Variants in GRIA4 observed in about 807,000 individuals in gnomAD.
The protein encoded by GRIA4 is glutamate ionotropic receptor AMPA type subunit 4.
In GRIA4, 34 loss-of-function variants were observed where a neutral mutation model predicts 104.0. That is an observed-to-expected ratio of 0.33 (90% CI 0.25 to 0.44). The LOEUF is 0.44. Ranked by LOEUF, GRIA4 falls within the 20% of genes least tolerant of loss-of-function variation. GRIA4 has a pLI of 1.00. For missense variants in GRIA4, 750 were observed against 1,096.5 expected (o/e 0.68, Z 4.46); for synonymous variants, 386 against 381.9 (o/e 1.01, Z -0.13).
chr11:105,731,821 G>A (rs1938609238), intron 3 of GRIA4, among the ~76,000 whole-genome samples: 1 of 151,844 alleles, frequency 6.6e-6, no homozygotes, highest in African/African-American at 2.4e-5. Flanking sequence ...AGTGGGAGTT[G>A]AACAATAAAA....
At chr11:105,735,662 A>G (rs1212532731) in intron 3 of GRIA4, among the ~76,000 whole-genome samples, 2 of 152,106 alleles carry the variant, frequency 1.3e-5, no homozygotes, top group African/African-American at 4.8e-5. Flanking sequence ...TTACTTTGTC[A>G]GTGTCTAAAG....
chr11:105,738,167 A>G (rs373911618), intron 3 of GRIA4, among the ~76,000 whole-genome samples: 15 of 152,176 alleles, frequency 9.9e-5, no homozygotes, highest in African/African-American at 3.6e-4. Context: ...TTTAATGTGT[A>G]AGGGAATTCC....
intron 10 of GRIA4, among the ~76,000 whole-genome samples, chr11:105,914,653 G>A (rs1452543137): frequency 6.6e-6 from 1 of 152,152 alleles, no homozygotes; most frequent in Non-Finnish European, 1.5e-5. Context: ...ATTCATTAGA[G>A]AAGCTATCTT....
At chr11:105,766,299 T>C (rs1294843495) in intron 4 of GRIA4, among the ~76,000 whole-genome samples, 2 of 152,178 alleles carry the variant, frequency 1.3e-5, no homozygotes, top group Admixed American at 6.6e-5. Flanking sequence ...AAGAGATATG[T>C]CTATGAAGAA....
chr11:105,727,628 T>G (rs977487241), intron 3 of GRIA4, among the ~76,000 whole-genome samples: 1 of 151,974 alleles, frequency 6.6e-6, no homozygotes, highest in Non-Finnish European at 1.5e-5. Context: ...GCCAGAGAGA[T>G]AAAGCAGGTC....
In GRIA4 at chr11:105,806,626, T is replaced by G. The variant is rs529795201; in HGVS notation, c.487+53406T>G. ...AAAACAGTTTAGAGAAGATGTGCCATGAAGAAAACAGGCTGTGAAATGAAA... is the reference window on the plus strand; with the variant it reads ...AAAACAGTTTAGAGAAGATGTGCCAGGAAGAAAACAGGCTGTGAAATGAAA... On this transcript the variant is annotated intron_variant, in intron 4 of 16. Coordinates refer to ENST00000282499, the MANE Select transcript of GRIA4 (RefSeq NM_000829.4). Among the ~76,000 whole-genome samples the G allele has an allele frequency of 1.5e-3, 231 of 151,934 alleles. 7 individuals are homozygous for G. The South Asian group carries it at 0.046, about 30-fold the overall frequency.
intron 3 of GRIA4, among the ~76,000 whole-genome samples, chr11:105,676,087 A>G (rs1952526788): frequency 6.6e-6 from 1 of 151,832 alleles, no homozygotes; most frequent in Admixed American, 6.6e-5. Context: ...GGGATATGCT[A>G]ATAAATAAAA....
intron 10 of GRIA4, among the ~76,000 whole-genome samples, chr11:105,917,344 G>C (rs373194448): frequency 6.6e-6 from 1 of 152,080 alleles, no homozygotes; most frequent in Non-Finnish European, 1.5e-5. Context: ...ATTATTTAGG[G>C]CATCTCTATG....
intron 14 of GRIA4, among the ~76,000 whole-genome samples, chr11:105,951,485 T>G (rs1948454827): frequency 6.6e-6 from 1 of 152,240 alleles, no homozygotes; most frequent in Non-Finnish European, 1.5e-5. Context: ...TATGTATAAT[T>G]TGAGCACAGT....
chr11:105,722,028 T>G (rs924933527), intron 3 of GRIA4, among the ~76,000 whole-genome samples: 7 of 152,216 alleles, frequency 4.6e-5, no homozygotes, highest in African/African-American at 1.7e-4. Flanking sequence ...ATAGCTATTC[T>G]TGATATCTTA....
At chr11:105,964,781 C>T (rs1413839080) in intron 14 of GRIA4, among the ~76,000 whole-genome samples, 1 of 150,442 alleles carries the variant, frequency 6.6e-6, no homozygotes, top group African/African-American at 2.5e-5. Context: ...AAGCCCATGA[C>T]ATGTTTTTTT....
chr11:105,645,859 A>G (rs970532232), intron 3 of GRIA4, among the ~76,000 whole-genome samples: 4 of 152,230 alleles, frequency 2.6e-5, no homozygotes, highest in African/African-American at 9.6e-5. Flanking sequence ...AGAAATGAGT[A>G]CAAGAAAGCT....
At chr11:105,925,524 C>T (rs1947681712) in intron 12 of GRIA4, among the ~76,000 whole-genome samples, 1 of 152,060 alleles carries the variant, frequency 6.6e-6, no homozygotes, top group Non-Finnish European at 1.5e-5. Context: ...ATTAGCATCA[C>T]AAATATATGG....
chr11:105,632,096 T>A (rs977997122), intron 3 of GRIA4, among the ~76,000 whole-genome samples: 1 of 152,148 alleles, frequency 6.6e-6, no homozygotes, highest in Non-Finnish European at 1.5e-5. Flanking sequence ...AAGTTTGAAT[T>A]TGATAACAGG....
rs373819889 is a variant in GRIA4, at chr11:105,658,628, A to G, written c.247+46194A>G. Among the ~76,000 whole-genome samples, 13 of 151,658 alleles carry G rather than the reference A, an allele frequency of 8.6e-5. No homozygotes were observed. In the East Asian group the frequency reaches 2.3e-3, roughly 27 times the overall value. On this transcript the variant is annotated intron_variant, in intron 3 of 16. Transcript: ENST00000282499. ...AAACAAAGATGGAAAAATACTCATA[A>G]ACAAAGTGGCAAGTGAGAGAAATTA... is the stretch of plus-strand genomic sequence containing the variant.
At chr11:105,860,786 C>G (rs1945192059) in intron 4 of GRIA4, among the ~76,000 whole-genome samples, 1 of 151,754 alleles carries the variant, frequency 6.6e-6, no homozygotes, top group African/African-American at 2.4e-5. Context: ...TGGTAAAACC[C>G]TGGCTCTACT....
intron 3 of GRIA4, among the ~76,000 whole-genome samples, chr11:105,651,074 C>T (rs780696347): frequency 8.5e-5 from 13 of 152,110 alleles, no homozygotes; most frequent in Non-Finnish European, 1.6e-4. Context: ...ATCAGTATCT[C>T]ATGGATATCA....
chr11:105,915,285 A>G (rs1591441218), intron 10 of GRIA4, among the ~76,000 whole-genome samples: 1 of 152,304 alleles, frequency 6.6e-6, no homozygotes, highest in East Asian at 1.9e-4. Flanking sequence ...CAAAAAGTCT[A>G]ACTGCATTTC....
chr11:105,965,504 T>C (rs1370129344), intron 14 of GRIA4, among the ~76,000 whole-genome samples: 1 of 151,760 alleles, frequency 6.6e-6, no homozygotes, highest in Non-Finnish European at 1.5e-5. Context: ...AGGGAATCAG[T>C]AAAGAAAAAT....
Sources: allele counts gnomAD v4.1 joint callset (sites outside exome capture counted in the v4.1 genomes callset), GRCh38; gene constraint gnomAD v4.1.1; transcripts MANE v1.5; gene names NCBI Gene and HGNC (gene_info 2026-07-23, HGNC 2026-07-21).